DNAJA2: variants seen among roughly 807,000 people sequenced by gnomAD.
DNAJA2 encodes dnaJ homolog subfamily A member 2.
A neutral mutation model predicts 49.3 loss-of-function variants in DNAJA2; 6 were observed. That is an observed-to-expected ratio of 0.12 (90% CI 0.07 to 0.24). The LOEUF (loss-of-function observed/expected upper bound fraction) is 0.24. DNAJA2 is among the 10% of genes least tolerant of loss of function. The pLI is 1.00. For missense variants in DNAJA2, 347 were observed against 516.8 expected (o/e 0.67, Z 3.19); for synonymous variants, 160 against 172.7 (o/e 0.93, Z 0.58).
chr16:46,965,993 G>T (rs1261576925), intron 5 of DNAJA2, among the ~76,000 whole-genome samples: 1 of 152,074 alleles, frequency 6.6e-6, no homozygotes, highest in Non-Finnish European at 1.5e-5. Flanking sequence ...GGAGGCTGGG[G>T]CAGGAGAATT....
chr16:46,972,114 ACT>A (rs762389471), intron 1 of DNAJA2, 159 bp from the exon 2 acceptor site: 1 of 616,600 alleles, frequency 1.6e-6, no homozygotes, highest in Non-Finnish European at 2.9e-6. Flanking sequence ...TTCTCGCGAT[ACT>A]GTTTACTAAT....
rs1382384507 is a variant in DNAJA2 at position 46,955,747 on chromosome 16, A to C, written c.*1282T>G. On this transcript the variant is annotated 3_prime_UTR_variant, in exon 9 of 9. Transcript: ENST00000317089. ...GCATCTGATGTCTCTTTCCTCAAAT[A>C]AGTGTGTTCTAAAAATACCTACTGA... 1 of 152,094 alleles carries C rather than the reference A, an allele frequency of 6.6e-6. No individual in the cohort carries two copies. Among genetic ancestry groups the C allele is most frequent in the Admixed American group, 6.5e-5 (1 of 15,276 alleles). 9.4% of individuals were successfully genotyped at this position (152,094 alleles called of 1,614,324 possible). A position where few individuals can be genotyped will look rare whatever the true frequency, so the allele number is the denominator to read the frequency against.
intron 6 of DNAJA2, among the ~76,000 whole-genome samples, chr16:46,960,751 C>A (rs1264138872): frequency 1.3e-5 from 2 of 151,848 alleles, no homozygotes; most frequent in African/African-American, 4.8e-5. Context: ...TGCACTCCAG[C>A]CTGGGCGACA....
At chr16:46,973,311 G>A (rs1962083874) in intron 1 of DNAJA2, among the ~76,000 whole-genome samples, 184 bp downstream of exon 1, 1 of 151,070 alleles carries the variant, frequency 6.6e-6, no homozygotes, top group Admixed American at 6.6e-5. Flanking sequence ...CCCAAGGTCA[G>A]CCGAGGCCGG....
chr16:46,973,300 C>A (rs1307643930), intron 1 of DNAJA2, among the ~76,000 whole-genome samples, 195 bp downstream of exon 1: 1 of 151,168 alleles, frequency 6.6e-6, no homozygotes, highest in Non-Finnish European at 1.5e-5. Flanking sequence ...GGGCCGGCGG[C>A]CCCAAGGTCA....
At chr16:46,964,474 A>G (rs976615899) in intron 6 of DNAJA2, 137 bp downstream of exon 6, 3 of 753,094 alleles carry the variant, frequency 4.0e-6, no homozygotes, top group Admixed American at 3.0e-5. Context: ...CCGTCTTAGG[A>G]ACTCACCATG....
intron 6 of DNAJA2, among the ~76,000 whole-genome samples, chr16:46,964,100 G>A (rs1231841751): frequency 6.6e-6 from 1 of 152,116 alleles, no homozygotes; most frequent in Non-Finnish European, 1.5e-5. Context: ...AAGGCCAGGC[G>A]CGGTGGCTCC....
rs1962093479 is a variant in DNAJA2 at position 46,973,668 on chromosome 16, A to AGACAGCGAGGGG, written c.-97_-96insCCCCTCGCTGTC. On this transcript the variant is annotated 5_prime_UTR_variant, in exon 1 of 9. Coordinates refer to ENST00000317089, the MANE Select transcript of DNAJA2 (RefSeq NM_005880.4). Reference sequence around the variant, plus strand: ...CGTCGGCGGCGGCACAGGCCGAGGGAGACAGCGAGGGGGAAGCGGGGGCGG... The same window carrying AGACAGCGAGGGG: ...CGTCGGCGGCGGCACAGGCCGAGGGAGACAGCGAGGGGGACAGCGAGGGGGAAGCGGGGGCGG... 7.5e-7 allele frequency: 1 copy of AGACAGCGAGGGG among 1,327,582 alleles called. No homozygotes were observed. Among genetic ancestry groups the AGACAGCGAGGGG allele is most frequent in the Non-Finnish European group, 1.0e-6 (1 of 965,932 alleles). 82.2% of individuals were successfully genotyped at this position (1,327,582 alleles called of 1,614,324 possible).
chr16:46,957,889 C>T (rs1459047017), intron 8 of DNAJA2, among the ~76,000 whole-genome samples: 1 of 152,090 alleles, frequency 6.6e-6, no homozygotes, highest in Non-Finnish European at 1.5e-5. Flanking sequence ...AGTGCTACTC[C>T]TCATCACCAC....
At position 46,955,669 on chromosome 16, in the gene DNAJA2, A is replaced by T. The variant is rs1406336328; in HGVS notation, c.*1360T>A. On this transcript the variant is annotated 3_prime_UTR_variant, in exon 9 of 9. Transcript: ENST00000317089. Reference sequence around the variant, plus strand: ...TCAGGGATGGCATTTAATACATTTAAAATTTTTAGTTTTCAGTTTTCCCCA... The same window carrying T: ...TCAGGGATGGCATTTAATACATTTATAATTTTTAGTTTTCAGTTTTCCCCA... 6.6e-6 allele frequency: 1 copy of T among 152,206 alleles called. No individual in the cohort carries two copies. The highest frequency in any genetic ancestry group is 1.9e-4 in the East Asian group (1 of 5,204). The allele number at this position is 152,206 out of a possible 1,614,324, so 9.4% of individuals were successfully genotyped here.
At chr16:46,958,106 G>A (rs893748903) in intron 8 of DNAJA2, among the ~76,000 whole-genome samples, 6 of 152,014 alleles carry the variant, frequency 3.9e-5, no homozygotes, top group South Asian at 2.1e-4. Flanking sequence ...CGGGAGGCAG[G>A]AGGATTGCTT....
chr16:46,967,958 CA>C lies in DNAJA2; in HGVS notation c.443+125del, dbSNP rs1961996027. On this transcript the variant is annotated intron_variant, in intron 4 of 8. Transcript: ENST00000317089. ...TCGGCCTCCCAAAGTGCTGGGATTT[CA>C]GGTGTGAGCCACCGCACCCAGCCGT... 5 of 932,128 alleles carry C rather than the reference CA, an allele frequency of 5.4e-6. No individual in the cohort carries two copies. The South Asian group carries it at 8.7e-5, about 16-fold the overall frequency. 57.7% of individuals were successfully genotyped at this position (932,128 alleles called of 1,614,324 possible).
rs1473558586 is a variant in DNAJA2, at chr16:46,956,692, T to C, written c.*337A>G. On this transcript the variant is annotated 3_prime_UTR_variant, in exon 9 of 9. Coordinates refer to ENST00000317089, the MANE Select transcript of DNAJA2 (RefSeq NM_005880.4). ...TGTACAAACTTTACAATGTGGGATT[T>C]AAATTTAAAATATGAAACATAAAAA... The C allele has an allele frequency of 5.0e-6, 1 of 198,866 alleles. No individual in the cohort carries two copies. The highest frequency in any genetic ancestry group is 2.4e-5 in the African/African-American group (1 of 42,352). The allele number at this position is 198,866 out of a possible 1,614,324, so 12.3% of individuals were successfully genotyped here.
rs1471335751 is a variant in DNAJA2, at chr16:46,956,439, AAAAAAAAAAAAAAG to A, written c.*576_*589del. Reference sequence around the variant, plus strand: ...TTCAGAAACCTTTCACAAGATGGTAAAAAAAAAAAAAAAGAAAAAAGAAAAAAAAAACAAAACCA... The same window carrying A: ...TTCAGAAACCTTTCACAAGATGGTAAAAAAAAGAAAAAAAAAACAAAACCA... On this transcript the variant is annotated 3_prime_UTR_variant, in exon 9 of 9. Transcript: ENST00000317089. The A allele has an allele frequency of 1.6e-4, 1 of 6,090 alleles. No individual in the cohort carries two copies. The highest frequency in any genetic ancestry group is 1.8e-4 in the African/African-American group (1 of 5,428). The allele number at this position is 6,090 out of a possible 1,614,324, so 0.4% of individuals were successfully genotyped here.
At chr16:46,971,736 G>T in intron 2 of DNAJA2, 160 bp downstream of exon 2, 1 of 843,522 alleles carries the variant, frequency 1.2e-6, no homozygotes, top group East Asian at 2.6e-5. Flanking sequence ...TCCTCAGAAT[G>T]GTAGTACTCT....
chr16:46,957,285 T>C (rs1287245444), intron 8 of DNAJA2, 65 bp from the exon 9 acceptor site: 14 of 1,389,642 alleles, frequency 1.0e-5, no homozygotes, highest in South Asian at 5.5e-5. Flanking sequence ...TTTTGATACA[T>C]AGAATCCAGT....
rs1298080959 is a variant in DNAJA2 at position 46,956,610 on chromosome 16, T to G, written c.*419A>C. 1 of 161,868 alleles carries G rather than the reference T, an allele frequency of 6.2e-6. No individual in the cohort carries two copies. The highest frequency in any genetic ancestry group is 1.4e-5 in the Non-Finnish European group (1 of 73,424). 10.0% of individuals were successfully genotyped at this position (161,868 alleles called of 1,614,324 possible). On this transcript the variant is annotated 3_prime_UTR_variant, in exon 9 of 9. Transcript: ENST00000317089. Reference sequence around the variant, plus strand: ...GATAGATACAGGCTATGAAATTCTTTATTCTATTTGTAGCAGCTTATGCAG... The same window carrying G: ...GATAGATACAGGCTATGAAATTCTTGATTCTATTTGTAGCAGCTTATGCAG...
chr16:46,961,873 T>G (rs760839671), intron 6 of DNAJA2, among the ~76,000 whole-genome samples: 30 of 151,764 alleles, frequency 2.0e-4, no homozygotes, highest in Non-Finnish European at 3.7e-4. Flanking sequence ...TATAGAGGCG[T>G]GACTAACATC....
intron 5 of DNAJA2, among the ~76,000 whole-genome samples, chr16:46,965,489 C>T (rs1012891066): frequency 6.6e-6 from 1 of 152,174 alleles, no homozygotes. Context: ...GGGACTGTTT[C>T]TGTAACAGTA....
Sources: gnomAD v4.1 joint callset for allele counts (sites outside exome capture counted in the v4.1 genomes callset) on GRCh38, gnomAD v4.1.1 for gene constraint, MANE v1.5 for transcripts, NCBI Gene and HGNC (gene_info 2026-07-23, HGNC 2026-07-21) for gene names.